Variants in PTPRD observed in about 807,000 individuals in gnomAD.
PTPRD encodes the protein protein tyrosine phosphatase receptor type D, also known as receptor-type tyrosine-protein phosphatase delta.
In PTPRD, 34 loss-of-function variants were observed where a neutral mutation model predicts 214.5. That is an observed-to-expected ratio of 0.16 (90% CI 0.12 to 0.21). PTPRD has a LOEUF of 0.21. PTPRD is among the 10% of genes least tolerant of loss of function. The pLI, the probability that PTPRD is intolerant of heterozygous loss-of-function variation, is 1.00. For synonymous variants in PTPRD, 1,128 were observed against 845.7 expected, an observed-to-expected ratio of 1.33 and a Z score of -5.79; for missense variants, 2,545 against 2,398.7, an observed-to-expected ratio of 1.06 and a Z score of -1.27.
intron 9 of PTPRD, among the ~76,000 whole-genome samples, chr9:9,221,035 G>T (rs1319772185): frequency 6.6e-6 from 1 of 152,050 alleles, no homozygotes; most frequent in East Asian, 1.9e-4. Flanking sequence ...CCCTCTCCCT[G>T]GTTGAAATAT....
intron 2 of PTPRD, among the ~76,000 whole-genome samples, chr9:10,538,322 A>G (rs2058348527): frequency 6.6e-6 from 1 of 151,704 alleles, no homozygotes; most frequent in African/African-American, 2.4e-5. Context: ...GGTTCTGTAA[A>G]GAAAGAGATG....
rs1567089304 is a variant in PTPRD at position 8,933,339 on chromosome 9, G to GTT, written c.-104+85357_-104+85358insAA. On this transcript the variant is annotated intron_variant, in intron 11 of 45. Coordinates refer to ENST00000381196, the MANE Select transcript of PTPRD (RefSeq NM_002839.4). ...GCCATCTTGCCAGCCACAACCTTGAGGTTTTTTTTTTTTTTTTTTTTTTTA... is the reference window on the plus strand; with the variant it reads ...GCCATCTTGCCAGCCACAACCTTGAGTTGTTTTTTTTTTTTTTTTTTTTTTTA... 2.5e-3 allele frequency among the ~76,000 whole-genome samples: 175 copies of GTT among 68,790 alleles called. 10 individuals are homozygous for GTT. Among genetic ancestry groups the GTT allele is most frequent in the African/African-American group, 2.9e-3 (29 of 9,946 alleles). The allele number at this position is 68,790 out of a possible 152,430, so 45.1% of individuals were successfully genotyped here.
intron 3 of PTPRD, among the ~76,000 whole-genome samples, chr9:10,151,180 C>T (rs747223298): frequency 4.8e-4 from 70 of 146,568 alleles, no homozygotes; most frequent in Admixed American, 2.1e-4. Context: ...CCTTTCTCAG[C>T]CTCCCGAGTA....
chr9:8,548,649 T>C (rs1466187553), intron 14 of PTPRD, among the ~76,000 whole-genome samples: 1 of 149,564 alleles, frequency 6.7e-6, no homozygotes, highest in East Asian at 2.0e-4. Flanking sequence ...ATTAGAGGTG[T>C]AAGCCATTGC....
intron 5 of PTPRD, among the ~76,000 whole-genome samples, chr9:9,790,093 A>G (rs2098956744): frequency 6.6e-6 from 1 of 152,162 alleles, no homozygotes; most frequent in Non-Finnish European, 1.5e-5. Context: ...TCTAATTTTA[A>G]TGTAGAGGTG....
chr9:9,285,150 C>T (rs1224673732), intron 9 of PTPRD, among the ~76,000 whole-genome samples: 2 of 151,696 alleles, frequency 1.3e-5, no homozygotes, highest in Non-Finnish European at 2.9e-5. Context: ...ATTGTGTATT[C>T]TTTTACAATG....
At chr9:8,848,653 C>T (rs141427558) in intron 11 of PTPRD, among the ~76,000 whole-genome samples, 11 of 151,830 alleles carry the variant, frequency 7.2e-5, no homozygotes, top group East Asian at 1.9e-4. Flanking sequence ...TGTCATTGGG[C>T]GTACTTGCCT....
intron 2 of PTPRD, among the ~76,000 whole-genome samples, chr9:10,521,862 A>C: frequency 6.6e-6 from 1 of 152,182 alleles, no homozygotes; most frequent in African/African-American, 2.4e-5. Context: ...AGTATAGTTT[A>C]GTCATAATCA....
intron 2 of PTPRD, among the ~76,000 whole-genome samples, chr9:10,369,973 T>C (rs1023405286): frequency 3.3e-5 from 5 of 152,192 alleles, no homozygotes; most frequent in African/African-American, 9.6e-5. Context: ...ACTATACATA[T>C]ATTATTTCAT....
At chr9:8,422,865 T>C (rs1481678524) in intron 35 of PTPRD, among the ~76,000 whole-genome samples, 7 of 152,162 alleles carry the variant, frequency 4.6e-5, no homozygotes, top group Admixed American at 4.6e-4. Flanking sequence ...TAGTGGGTGG[T>C]AAAATCTTCT....
chr9:8,773,249 A>T (rs2095312962), intron 11 of PTPRD, among the ~76,000 whole-genome samples: 1 of 152,096 alleles, frequency 6.6e-6, no homozygotes, highest in Non-Finnish European at 1.5e-5. Context: ...GCCTCTGTAG[A>T]TCTCCAGAGC....
At chr9:10,112,879 A>G (rs1441072000) in intron 3 of PTPRD, among the ~76,000 whole-genome samples, 1 of 152,238 alleles carries the variant, frequency 6.6e-6, no homozygotes, top group Non-Finnish European at 1.5e-5. Flanking sequence ...TGTGACTAGT[A>G]TAGACCAGTT....
At chr9:10,552,599 C>T (rs1039357441) in intron 2 of PTPRD, among the ~76,000 whole-genome samples, 2 of 152,190 alleles carry the variant, frequency 1.3e-5, no homozygotes, top group African/African-American at 2.4e-5. Flanking sequence ...CCACTGTGGA[C>T]GCTAGATCAA....
chr9:9,599,381 C>A (rs941679064), intron 7 of PTPRD, among the ~76,000 whole-genome samples: 2 of 151,980 alleles, frequency 1.3e-5, no homozygotes, highest in African/African-American at 4.8e-5. Context: ...ACCAAGGCAA[C>A]CACTAAATCC....
chr9:8,683,463 C>G (rs2097594487), intron 12 of PTPRD, among the ~76,000 whole-genome samples: 1 of 151,440 alleles, frequency 6.6e-6, no homozygotes, highest in Non-Finnish European at 1.5e-5. Context: ...TGTTTGCAAA[C>G]AGTTCACTTT....
At chr9:9,644,735 A>C (rs533141435) in intron 7 of PTPRD, among the ~76,000 whole-genome samples, 1 of 152,240 alleles carries the variant, frequency 6.6e-6, no homozygotes, top group South Asian at 2.1e-4. Context: ...CTGGCCCACC[A>C]ATCCCCACAT....
At chr9:8,832,083 G>A (rs913001077) in intron 11 of PTPRD, among the ~76,000 whole-genome samples, 7 of 147,260 alleles carry the variant, frequency 4.8e-5, no homozygotes, top group African/African-American at 1.8e-4. Context: ...AGTAGCCGGT[G>A]ATTTAAATAT....
intron 2 of PTPRD, among the ~76,000 whole-genome samples, chr9:10,449,136 C>G (rs1216536215): frequency 2.0e-5 from 3 of 151,702 alleles, no homozygotes; most frequent in Non-Finnish European, 4.4e-5. Flanking sequence ...CTGCAACCTC[C>G]CTGCCTGATT....
At chr9:9,313,827 A>G (rs538280839) in intron 9 of PTPRD, among the ~76,000 whole-genome samples, 17 of 152,124 alleles carry the variant, frequency 1.1e-4, no homozygotes, top group African/African-American at 3.4e-4. Flanking sequence ...GAAGATTTCT[A>G]TATCTCTTTA....
Sources: allele counts gnomAD v4.1 joint callset (sites outside exome capture counted in the v4.1 genomes callset), GRCh38; gene constraint gnomAD v4.1.1; transcripts MANE v1.5; gene names NCBI Gene and HGNC (gene_info 2026-07-23, HGNC 2026-07-21).